The following MEIS3 variants were observed in gnomAD, a reference collection of about 807,000 sequenced individuals.
The protein encoded by MEIS3 is homeobox protein Meis3.
In MEIS3, 38 loss-of-function variants were observed where a neutral mutation model predicts 51.4. That is an observed-to-expected ratio of 0.74 (90% CI 0.57 to 0.97). The LOEUF (loss-of-function observed/expected upper bound fraction) is 0.97. Among genes scored for constraint, MEIS3 ranks in the 50% least tolerant of loss-of-function variants. The pLI is 0.00. For missense variants in MEIS3, 456 were observed against 502.6 expected (o/e 0.91, Z 0.89); for synonymous variants, 198 against 201.8 (o/e 0.98, Z 0.16).
chr19:47,406,919 C>T lies in MEIS3; in HGVS notation c.1047G>A (p.Glu349=). ...GCCGGACGGCCACGTGTGGCTGCGT[C>T]TCGGTATAGCCCCCGATGGGCTGGC... ...PEGQPIGGYT[E]TQPHVAVRPP... is the part of the protein sequence containing the mutation. Residue 349 remains glutamate, a synonymous_variant, in exon 11 of 13, where the codon GAG becomes GAA. Coordinates refer to ENST00000558555, the MANE Select transcript of MEIS3 (RefSeq NM_001301059.2). 6.3e-7 allele frequency: 1 copy of T among 1,579,054 alleles called. No homozygotes were observed. Among genetic ancestry groups the T allele is most frequent in the Admixed American group, 1.8e-5 (1 of 55,516 alleles).
intron 5 of MEIS3, 43 bp from the exon 6 acceptor site, chr19:47,414,909 C>T (rs1263025057): frequency 5.3e-6 from 6 of 1,140,364 alleles, no homozygotes; most frequent in East Asian, 2.7e-5. Flanking sequence ...CCCACGGGGG[C>T]AGGGCGGGGG....
At chr19:47,411,377 A>C (rs546613966) in intron 6 of MEIS3, among the ~76,000 whole-genome samples, 1 of 89,356 alleles carries the variant, frequency 1.1e-5, no homozygotes, top group South Asian at 4.4e-4. Context: ...TAAGTGGAAT[A>C]AATAAAGGCT....
Position 47,407,375 on chromosome 19 carries a change from G to A in MEIS3, c.912C>T (p.Leu304=). 6.2e-7 allele frequency: 1 copy of A among 1,613,514 alleles called. No individual in the cohort carries two copies. Among genetic ancestry groups the A allele is most frequent in the Non-Finnish European group, 8.5e-7 (1 of 1,179,836 alleles). The change falls in exon 9 of 13, where the codon CTC becomes CTT. Residue 304 remains leucine (L), a synonymous_variant. Coordinates refer to ENST00000558555, the MANE Select transcript of MEIS3 (RefSeq NM_001301059.2). ...QKKQLAQDTG[L]TILQVNNWFI... The stretch of plus-strand genomic sequence containing the variant: ...ACCAGTTGTTGACTTGCAGGATGGT[G>A]AGCCCCGTGTCCTGCGCCAGCTGTT...
At chr19:47,408,336 G>A (rs904046100) in intron 8 of MEIS3, among the ~76,000 whole-genome samples, 4 of 151,852 alleles carry the variant, frequency 2.6e-5, no homozygotes, top group African/African-American at 9.7e-5. Flanking sequence ...TGCCCAGGCT[G>A]GTCTCGAACT....
At chr19:47,404,429 TC>T (rs904087888) in intron 12 of MEIS3, among the ~76,000 whole-genome samples, 11 of 151,990 alleles carry the variant, frequency 7.2e-5, no homozygotes, top group Non-Finnish European at 1.3e-4. Flanking sequence ...TCCACTCTCA[TC>T]CCCAGGGCTT....
At chr19:47,420,558 G>GGA (rs372574588), upstream of MEIS3, among the ~76,000 whole-genome samples, 687 of 133,584 alleles carry the variant, frequency 5.1e-3, 3 homozygotes, top group African/African-American at 7.4e-3. Flanking sequence ...GCGGGTGGGA[G>GGA]GAGAGAGAGA....
At chr19:47,413,868 C>G (rs531310698) in intron 6 of MEIS3, among the ~76,000 whole-genome samples, 1 of 151,828 alleles carries the variant, frequency 6.6e-6, no homozygotes, top group Non-Finnish European at 1.5e-5. Context: ...GCTGGGACTA[C>G]AGGCACCCGC....
intron 11 of MEIS3, 132 bp from the exon 12 acceptor site, chr19:47,406,658 G>A (rs977509375): frequency 4.1e-6 from 4 of 975,624 alleles, no homozygotes; most frequent in Non-Finnish European, 4.7e-6. Context: ...GAAGGTGCTG[G>A]CCCTTTAAGA....
chr19:47,418,952 A>G (rs892013371), intron 1 of MEIS3, 118 bp downstream of exon 1: 61 of 530,196 alleles, frequency 1.2e-4, no homozygotes, highest in Non-Finnish European at 1.5e-4. Context: ...GGGCAGAGAG[A>G]GAGCGAGGTG....
At chr19:47,420,237 G>T (rs192044216), upstream of MEIS3, among the ~76,000 whole-genome samples, 17 of 152,308 alleles carry the variant, frequency 1.1e-4, no homozygotes, top group African/African-American at 4.1e-4. Context: ...AAAGACACAA[G>T]GCCCTTTGGT....
At chr19:47,411,629 C>T (rs973594782) in intron 6 of MEIS3, among the ~76,000 whole-genome samples, 1 of 151,736 alleles carries the variant, frequency 6.6e-6, no homozygotes, top group Admixed American at 6.6e-5. Flanking sequence ...AAACCTATAC[C>T]TCCTGGGTTC....
intron 9 of MEIS3, 63 bp from the exon 10 acceptor site, chr19:47,407,200 AAC>A: frequency 6.4e-7 from 1 of 1,556,248 alleles, no homozygotes; most frequent in Middle Eastern, 1.7e-4. Flanking sequence ...GGCCAAGACG[AAC>A]ACAGAGCGGG....
chr19:47,414,860 C>A lies in MEIS3; in HGVS notation c.454G>T (p.Asp152Tyr). 7.1e-7 allele frequency: 1 copy of A among 1,415,138 alleles called. No individual in the cohort carries two copies. The highest frequency in any genetic ancestry group is 1.1e-5 in the South Asian group (1 of 87,660). The allele number at this position is 1,415,138 out of a possible 1,614,324, so 87.7% of individuals were successfully genotyped here. Residue 152 changes from aspartate (D) to tyrosine (Y), a missense_variant, in exon 6 of 13, where the codon GAC becomes TAC. Asp to Tyr is a radical substitution (Grantham distance 160, BLOSUM62 -3). Transcript: ENST00000558555. ...FHLLELEKVH[D>Y]LCDNFCHRYI... Reference sequence around the variant, plus strand: ...CGGTGACAGAAGTTGTCGCACAGGTCGTGGACCTGGGGGGGCACCGGGGTA... The same window carrying A: ...CGGTGACAGAAGTTGTCGCACAGGTAGTGGACCTGGGGGGGCACCGGGGTA...
intron 6 of MEIS3, among the ~76,000 whole-genome samples, chr19:47,414,235 C>T (rs115542126): frequency 0.016 from 2,400 of 152,084 alleles, 47 homozygotes; most frequent in East Asian, 0.068. Context: ...CTGAGTTTGC[C>T]GGGCAGTACC....
At chr19:47,411,830 G>A (rs1490060519) in intron 6 of MEIS3, among the ~76,000 whole-genome samples, 10 of 150,984 alleles carry the variant, frequency 6.6e-5, no homozygotes, top group Admixed American at 2.0e-4. Context: ...GTGAGCCACC[G>A]TGCCCGGCCT....
chr19:47,416,502 A>G, intron 4 of MEIS3, 150 bp downstream of exon 4: 1 of 672,048 alleles, frequency 1.5e-6, no homozygotes, highest in Admixed American at 3.2e-5. Context: ...TCTAGGCTGT[A>G]CCACACGGCA....
chr19:47,420,967 C>T (rs963311837), upstream of MEIS3, among the ~76,000 whole-genome samples: 77 of 145,266 alleles, frequency 5.3e-4, no homozygotes, highest in Non-Finnish European at 9.4e-4. Flanking sequence ...CTCTCTCTCT[C>T]TCTCTCTTCC....
Position 47,414,244 on chromosome 19 carries a change from C to A in MEIS3, c.597+473G>T, listed in dbSNP as rs113110103. 7.1e-3 allele frequency among the ~76,000 whole-genome samples: 1,085 copies of A among 152,112 alleles called. 12 individuals carry two copies. The highest frequency in any genetic ancestry group is 0.025 in the African/African-American group (1,025 of 41,480). On this transcript the variant is annotated intron_variant, in intron 6 of 12. Transcript: ENST00000558555. ...TTATATCTGAGTTTGCCGGGCAGTA[C>A]CTGGGGCTGTTTGGCTCTATGTCCA...
chr19:47,406,999 T>C (rs1025936386), intron 10 of MEIS3, 28 bp from the exon 11 acceptor site: 3 of 1,574,850 alleles, frequency 1.9e-6, no homozygotes, highest in Admixed American at 3.8e-5. Flanking sequence ...AGGTGCAGGC[T>C]GAGCCCCAGG....
Sources: allele counts gnomAD v4.1 joint callset (sites outside exome capture counted in the v4.1 genomes callset), GRCh38; gene constraint gnomAD v4.1.1; transcripts MANE v1.5; gene names NCBI Gene and HGNC (gene_info 2026-07-23, HGNC 2026-07-21).